DUS2: variants seen among roughly 807,000 people sequenced by gnomAD.
DUS2 encodes tRNA-dihydrouridine(20) synthase [NAD(P)+]-like.
Under a neutral mutation model 71.3 loss-of-function variants are expected in DUS2, and 52 were observed. That is an observed-to-expected ratio of 0.73 (90% CI 0.58 to 0.92). The LOEUF is 0.92. DUS2 is among the 40% of genes least tolerant of loss of function. DUS2 has a pLI of 0.00. For synonymous variants in DUS2, 204 were observed against 227.8 expected (o/e 0.90, Z 0.94); for missense variants, 558 against 622.6 (o/e 0.90, Z 1.10).
At chr16:68,025,696 CT>C (rs1156568088) in intron 2 of DUS2, among the ~76,000 whole-genome samples, 1 of 152,012 alleles carries the variant, frequency 6.6e-6, no homozygotes. Flanking sequence ...CACTGCCTAC[CT>C]TTTTTCCCCC....
At chr16:68,071,881 T>A (rs769430732) in intron 12 of DUS2, among the ~76,000 whole-genome samples, 4 of 152,194 alleles carry the variant, frequency 2.6e-5, no homozygotes, top group Non-Finnish European at 5.9e-5. Context: ...ACCAGTTTCT[T>A]CTCATTGAGA....
intron 8 of DUS2, 32 bp from the exon 9 acceptor site, chr16:68,066,285 A>G: frequency 6.2e-7 from 1 of 1,606,770 alleles, no homozygotes; most frequent in Admixed American, 1.7e-5. Flanking sequence ...GTTCCAGAAG[A>G]CATAGGTGCT....
At position 68,078,493 on chromosome 16, in the gene DUS2, G is replaced by A; in HGVS notation, c.1219G>A (p.Glu407Lys). 1 of 1,614,078 alleles carries A rather than the reference G, an allele frequency of 6.2e-7. No individual in the cohort carries two copies. The highest frequency in any genetic ancestry group is 2.2e-5 in the East Asian group (1 of 44,890). Residue 407 changes from glutamate (E) to lysine (K), a missense_variant, in exon 16 of 17, where the codon GAA (glutamate) becomes AAA (lysine). Transcript: ENST00000565263. ...GTTCTCCTCTATTGTCACCGTTGCT[G>A]AACAAAAGTATCAGTCTACCTTGTG... ...RLFSSIVTVA[E>K]QKYQSTLWDK...
chr16:68,049,426 A>G (rs957112857), intron 3 of DUS2, 79 bp from the exon 4 acceptor site: 25 of 1,474,142 alleles, frequency 1.7e-5, no homozygotes, highest in African/African-American at 4.2e-5. Flanking sequence ...AGCGATCCTC[A>G]TTAGGTGTGT....
intron 10 of DUS2, 86 bp downstream of exon 10, chr16:68,066,722 A>G: frequency 1.5e-6 from 2 of 1,359,232 alleles, no homozygotes; most frequent in South Asian, 1.2e-5. Flanking sequence ...ACCCCAAGTG[A>G]CAGCCAATTT....
In DUS2 at chr16:68,074,050, A is replaced by G. The variant is rs753922635; in HGVS notation, c.827A>G (p.Asn276Ser). 10 of 1,614,004 alleles carry G rather than the reference A, an allele frequency of 6.2e-6. No homozygotes were observed. Among genetic ancestry groups the G allele is most frequent in the African/African-American group, 1.3e-5 (1 of 74,924 alleles). The change falls in exon 13 of 17, where the codon AAC (asparagine) becomes AGC (serine). Residue 276 changes from asparagine to serine, a missense_variant. Transcript: ENST00000565263. Reference protein sequence around the residue: ...KYIRYAVQYDNHYTNTKYCLC... With the variant: ...KYIRYAVQYDSHYTNTKYCLC... The stretch of plus-strand genomic sequence containing the variant: ...TTTTCTCAGGCGGTGCAGTATGACA[A>G]CCACTACACCAACACCAAGTACTGC...
At position 68,053,614 on chromosome 16, in the gene DUS2, C is replaced by G. The variant is rs1425231629; in HGVS notation, c.223C>G (p.Arg75Gly). Residue 75 changes from arginine (R) to glycine (G), a missense_variant, in exon 5 of 17, where the codon CGC becomes GGC. Physicochemically the swap from Arg to Gly is moderately radical, Grantham distance 125 (BLOSUM62 -2). Transcript: ENST00000565263. ...FVAPDDRVVF[R>G]TCEREQNRVV... ...CGCCCCTGATGATCGAGTTGTCTTCCGCACCTGTGAAAGAGAGCAGAACAG... is the reference window on the plus strand; with the variant it reads ...CGCCCCTGATGATCGAGTTGTCTTCGGCACCTGTGAAAGAGAGCAGAACAG... The G allele has an allele frequency of 6.2e-7, 1 of 1,614,196 alleles. No homozygotes were observed. The highest frequency in any genetic ancestry group is 8.5e-7 in the Non-Finnish European group (1 of 1,180,046).
At chr16:68,076,950 T>C (rs913271564) in intron 15 of DUS2, among the ~76,000 whole-genome samples, 28 of 152,112 alleles carry the variant, frequency 1.8e-4, no homozygotes, top group Non-Finnish European at 3.8e-4. Flanking sequence ...AATTTTTATT[T>C]TTTATTTTTT....
chr16:68,066,583 C>G lies in DUS2; in HGVS notation c.501C>G (p.Ser167Arg), dbSNP rs1369669814. 6.2e-7 allele frequency: 1 copy of G among 1,614,084 alleles called. No individual in the cohort carries two copies. The highest frequency in any genetic ancestry group is 1.3e-5 in the African/African-American group (1 of 74,938). ...CTCCTCAGCTAGAAGATACCCTGAG[C>G]CTTGTGAAGCGGATAGAGAGGACTG... ...RILPSLEDTLSLVKRIERTGI... is the reference protein window; with the variant it reads ...RILPSLEDTLRLVKRIERTGI... The change falls in exon 10 of 17, where the codon AGC becomes AGG. Residue 167 changes from serine to arginine, a missense_variant. Ser to Arg is a moderately radical substitution (Grantham distance 110). Transcript: ENST00000565263.
intron 2 of DUS2, among the ~76,000 whole-genome samples, chr16:68,028,727 T>C (rs758685028): frequency 6.6e-6 from 1 of 152,182 alleles, no homozygotes. Context: ...TACTATGTGC[T>C]GAGAACTGTG....
chr16:68,054,762 CAGCCA>C, intron 6 of DUS2, 145 bp downstream of exon 6: 3 of 988,616 alleles, frequency 3.0e-6, no homozygotes, highest in Non-Finnish European at 4.7e-6. Flanking sequence ...GCCTGGTTTC[CAGCCA>C]GGTGCGGTGG....
Position 68,066,342 on chromosome 16 carries a change from C to T in DUS2, c.443C>T (p.Thr148Ile). 6.2e-7 allele frequency: 1 copy of T among 1,614,184 alleles called. No homozygotes were observed. Among genetic ancestry groups the T allele is most frequent in the Admixed American group, 1.7e-5 (1 of 60,022 alleles). Residue 148 changes from threonine to isoleucine, a missense_variant, in exon 9 of 17, where the codon ACA becomes ATA. Transcript: ENST00000565263. ...EKILSTLVKG[T>I]RRPVTCKIRI... The stretch of plus-strand genomic sequence containing the variant: ...ATCCTCAGCACTCTTGTTAAAGGGA[C>T]ACGCAGACCTGTGACCTGCAAGATT...
At chr16:68,071,862 C>G (rs2034091696) in intron 12 of DUS2, among the ~76,000 whole-genome samples, 1 of 152,082 alleles carries the variant, frequency 6.6e-6, no homozygotes, top group African/African-American at 2.4e-5. Flanking sequence ...TGGGAATGGC[C>G]TTTTCTAAAC....
chr16:68,047,518 G>A (rs1306304860), intron 3 of DUS2, among the ~76,000 whole-genome samples: 1 of 151,314 alleles, frequency 6.6e-6, no homozygotes, highest in East Asian at 2.0e-4. Context: ...GTCTTGCTCT[G>A]TTGCCCAGGC....
intron 1 of DUS2, chr16:68,023,564 G>C (rs2033293174): frequency 3.9e-6 from 1 of 254,278 alleles, no homozygotes; most frequent in African/African-American, 2.3e-5. Flanking sequence ...AGCTTGTCCC[G>C]TGCTGGTATC....
chr16:68,041,987 G>A (rs1217272262), intron 3 of DUS2, among the ~76,000 whole-genome samples: 7 of 151,868 alleles, frequency 4.6e-5, no homozygotes, highest in African/African-American at 9.7e-5. Flanking sequence ...CTTGTGAAAC[G>A]GAAACCCTGC....
Position 68,074,145 on chromosome 16 carries a change from C to T in DUS2, c.922C>T (p.Arg308Trp), listed in dbSNP as rs772318250. ...GTTGCTCCATGCTGCCCAGTCTTCC[C>T]GGGAAATTTGGTAAGAGGCACAATA... Reference protein sequence around the residue: ...GRLLHAAQSSREICEAFGLGA... With the variant: ...GRLLHAAQSSWEICEAFGLGA... The change falls in exon 13 of 17, where the codon CGG (arginine) becomes TGG (tryptophan). Residue 308 changes from arginine to tryptophan, a missense_variant. Arg to Trp is a moderately radical substitution (Grantham distance 101). Transcript: ENST00000565263. 33 of 1,614,088 alleles carry T rather than the reference C, an allele frequency of 2.0e-5. No individual in the cohort carries two copies. The highest frequency in any genetic ancestry group is 1.6e-4 in the Middle Eastern group (1 of 6,062).
rs748379233 is a variant in DUS2, at chr16:68,066,676, A to G, written c.554+40A>G. ...TTCTAGTGACTGGCAGGGAGGTCCT[A>G]ACCCATCTTAGTGATCCTTCCTTAA... On this transcript the variant is annotated intron_variant, in intron 10 of 16. Coordinates refer to ENST00000565263, the MANE Select transcript of DUS2 (RefSeq NM_017803.5). The G allele has an allele frequency of 6.3e-5, 100 of 1,595,284 alleles. No individual in the cohort carries two copies. In the Middle Eastern group the frequency reaches 1.2e-3, roughly 19 times the overall value.
chr16:68,070,926 T>C lies in DUS2; in HGVS notation c.642-14T>C. 6.2e-7 allele frequency: 1 copy of C among 1,613,572 alleles called. No individual in the cohort carries two copies. The highest frequency in any genetic ancestry group is 8.5e-7 in the Non-Finnish European group (1 of 1,179,510). On this transcript the variant is annotated splice_polypyrimidine_tract_variant and intron_variant, in intron 11 of 16. Transcript: ENST00000565263. ...CGTGATGGGGACACCCCTAACCCTC[T>C]GGTTGCTTTTTAGCGGAGGATCTCA... is the stretch of plus-strand genomic sequence containing the variant.
Sources: gnomAD v4.1 joint callset for allele counts (sites outside exome capture counted in the v4.1 genomes callset) on GRCh38, gnomAD v4.1.1 for gene constraint, MANE v1.5 for transcripts, NCBI Gene and HGNC (gene_info 2026-07-23, HGNC 2026-07-21) for gene names.